The following CSMD1 variants were observed in gnomAD, a reference collection of about 807,000 sequenced individuals.
The protein encoded by CSMD1 is CUB and Sushi multiple domains 1.
In CSMD1, 213 loss-of-function variants were observed where a neutral mutation model predicts 417.5. The observed-to-expected ratio is 0.51, with a 90% CI of 0.46 to 0.57. The LOEUF is 0.57. Among genes scored for constraint, CSMD1 ranks in the 20% least tolerant of loss-of-function variants. The pLI, the probability that CSMD1 is intolerant of heterozygous loss-of-function variation, is 0.00. For synonymous variants in CSMD1, 2,862 were observed against 1,736.8 expected (o/e 1.65, Z -16.11); for missense variants, 6,923 against 4,529.7 (o/e 1.53, Z -15.17).
intron 2 of CSMD1, among the ~76,000 whole-genome samples, chr8:4,525,763 C>A (rs1437996342): frequency 6.6e-6 from 1 of 152,172 alleles, no homozygotes; most frequent in Non-Finnish European, 1.5e-5. Context: ...TTCACAAGGA[C>A]AATCAATAGC....
intron 5 of CSMD1, among the ~76,000 whole-genome samples, chr8:3,916,628 A>G (rs1808848343): frequency 6.6e-6 from 1 of 152,202 alleles, no homozygotes; most frequent in African/African-American, 2.4e-5. Context: ...AAATGTACTT[A>G]ACATATAGGT....
At chr8:4,375,927 A>G (rs1213237467) in intron 3 of CSMD1, among the ~76,000 whole-genome samples, 1 of 152,176 alleles carries the variant, frequency 6.6e-6, no homozygotes, top group African/African-American at 2.4e-5. Context: ...TCCTGCTCTT[A>G]GATGTGCAGA....
intron 1 of CSMD1, among the ~76,000 whole-genome samples, chr8:4,962,733 G>A (rs940405040): frequency 6.6e-6 from 1 of 152,180 alleles, no homozygotes; most frequent in African/African-American, 2.4e-5. Flanking sequence ...AACGGCAGGA[G>A]AAGCCAGTCT....
chr8:4,032,502 A>G (rs1260521243), intron 3 of CSMD1, among the ~76,000 whole-genome samples: 1 of 152,202 alleles, frequency 6.6e-6, no homozygotes, highest in East Asian at 1.9e-4. Context: ...GAAATACTGC[A>G]AGAGTGAATA....
chr8:3,571,135 G>A (rs1469401344), intron 10 of CSMD1, among the ~76,000 whole-genome samples: 1 of 152,120 alleles, frequency 6.6e-6, no homozygotes, highest in African/African-American at 2.4e-5. Flanking sequence ...GACAGCTGAG[G>A]CAAAATTTAC....
chr8:4,074,114 G>T (rs946294061), intron 3 of CSMD1, among the ~76,000 whole-genome samples: 1 of 151,962 alleles, frequency 6.6e-6, no homozygotes, highest in Non-Finnish European at 1.5e-5. Flanking sequence ...GAGCTTAAAT[G>T]GGTTTTAAGT....
At chr8:4,170,765 G>C (rs1207144136) in intron 3 of CSMD1, among the ~76,000 whole-genome samples, 1 of 151,562 alleles carries the variant, frequency 6.6e-6, no homozygotes, top group Non-Finnish European at 1.5e-5. Flanking sequence ...AGGTAGCTAA[G>C]GGACACAGAA....
At chr8:4,127,511 C>G (rs890652903) in intron 3 of CSMD1, among the ~76,000 whole-genome samples, 36 of 149,596 alleles carry the variant, frequency 2.4e-4, no homozygotes, top group Admixed American at 2.4e-3. Context: ...CAACTGCAGA[C>G]TTCTCCCTCC....
intron 7 of CSMD1, among the ~76,000 whole-genome samples, chr8:3,663,545 C>T (rs2623622): frequency 1.3e-5 from 2 of 151,946 alleles, no homozygotes; most frequent in Middle Eastern, 3.2e-3. Context: ...AAACTGCTTA[C>T]GGCCAACCTG....
In CSMD1 at chr8:3,493,706, T is replaced by G; in HGVS notation, c.1365A>C (p.Glu455Asp). 1 of 1,611,188 alleles carries G rather than the reference T, an allele frequency of 6.2e-7. No homozygotes were observed. The highest frequency in any genetic ancestry group is 8.5e-7 in the Non-Finnish European group (1 of 1,178,780). Residue 455 changes from glutamate to aspartate, a missense_variant, in exon 11 of 70, where the codon GAA (glutamate) becomes GAC (aspartate). Transcript: ENST00000635120. ...CATAGCCTCGCTCCAGCTCAAACTC[T>G]TCAAAGGCAAGCTTGATGACCTAAA... The part of the protein sequence containing the change: ...DPDKVIKLAF[E>D]EFELERGYDT...
At chr8:3,824,253 A>C (rs1225615223) in intron 5 of CSMD1, among the ~76,000 whole-genome samples, 1 of 129,056 alleles carries the variant, frequency 7.7e-6, no homozygotes, top group Non-Finnish European at 1.6e-5. Context: ...AACAAAAACC[A>C]AAAAAAAAAA....
intron 46 of CSMD1, among the ~76,000 whole-genome samples, chr8:3,103,166 T>A (rs1815882633): frequency 6.6e-6 from 1 of 152,200 alleles, no homozygotes; most frequent in Non-Finnish European, 1.5e-5. Flanking sequence ...CACATAGACA[T>A]ATAGCTAAGG....
intron 29 of CSMD1, among the ~76,000 whole-genome samples, chr8:3,214,943 T>C (rs1213306037): frequency 2.0e-5 from 3 of 152,244 alleles, no homozygotes; most frequent in Non-Finnish European, 4.4e-5. Flanking sequence ...AGAATTGATA[T>C]AAAATTACCT....
chr8:4,624,824 A>G (rs577099332), intron 2 of CSMD1, among the ~76,000 whole-genome samples: 1 of 152,272 alleles, frequency 6.6e-6, no homozygotes, highest in East Asian at 1.9e-4. Context: ...CAGACCTCAG[A>G]GTCCACATCA....
chr8:2,954,235 G>C lies in CSMD1; in HGVS notation c.10028C>G (p.Thr3343Ser). 1 of 1,502,700 alleles carries C rather than the reference G, an allele frequency of 6.7e-7. No homozygotes were observed. Among genetic ancestry groups the C allele is most frequent in the East Asian group, 2.5e-5 (1 of 40,290 alleles). 93.1% of individuals were successfully genotyped at this position (1,502,700 alleles called of 1,614,324 possible). The change falls in exon 65 of 70, where the codon ACT becomes AGT. Residue 3343 changes from threonine to serine, a missense_variant. Physicochemically the swap from Thr to Ser is moderately conservative, Grantham distance 58 (BLOSUM62 1). Coordinates refer to ENST00000635120, the MANE Select transcript of CSMD1 (RefSeq NM_033225.6). Reference protein sequence around the residue: ...KGVREVNETVTKTPVPSDVFF... With the variant: ...KGVREVNETVSKTPVPSDVFF... ...TCTGGTATACAAACCTGGAGTTTTA[G>C]TAACTGTTTCATTAACTTCTCTCAC...
chr8:2,958,625 G>C (rs1803204070), intron 62 of CSMD1, among the ~76,000 whole-genome samples: 1 of 152,200 alleles, frequency 6.6e-6, no homozygotes, highest in African/African-American at 2.4e-5. Flanking sequence ...TGCAGCATGA[G>C]GCCAGCATGA....
At chr8:3,095,543 C>T (rs1377004925) in intron 47 of CSMD1, among the ~76,000 whole-genome samples, 3 of 152,116 alleles carry the variant, frequency 2.0e-5, no homozygotes, top group African/African-American at 7.2e-5. Context: ...TTTATTAATT[C>T]ATTTTTGAAA....
chr8:3,426,117 C>A (rs147833743), intron 12 of CSMD1, among the ~76,000 whole-genome samples: 6 of 152,104 alleles, frequency 3.9e-5, no homozygotes, highest in African/African-American at 9.7e-5. Flanking sequence ...TACTTGGTAA[C>A]GTTTTCCAAA....
At chr8:3,083,658 T>TTTTTTTA (rs1814308136) in intron 49 of CSMD1, among the ~76,000 whole-genome samples, 2 of 63,848 alleles carry the variant, frequency 3.1e-5, no homozygotes, top group Non-Finnish European at 6.0e-5. Flanking sequence ...ATTTTTTTTT[T>TTTTTTTA]TTTTTTTTTT....
Sources: allele counts gnomAD v4.1 joint callset (sites outside exome capture counted in the v4.1 genomes callset), GRCh38; gene constraint gnomAD v4.1.1; transcripts MANE v1.5; gene names NCBI Gene and HGNC (gene_info 2026-07-23, HGNC 2026-07-21).